The following RNLS variants were observed in gnomAD, a reference collection of about 807,000 sequenced individuals.
The protein encoded by RNLS is renalase, FAD dependent amine oxidase.
In RNLS, 39 loss-of-function variants were observed where a neutral mutation model predicts 39.8. The observed-to-expected ratio is 0.98, with a 90% CI of 0.76 to 1.28. RNLS has a LOEUF of 1.28. Among genes scored for constraint, RNLS ranks in the 50% most tolerant of loss-of-function variants. The pLI is 0.00. For synonymous variants in RNLS, 147 were observed against 150.7 expected (o/e 0.98, Z 0.18); for missense variants, 410 against 413.3 (o/e 0.99, Z 0.07).
Position 88,330,092 on chromosome 10 carries a change from A to ATAT in RNLS, c.701-15452_701-15451insATA, listed in dbSNP as rs750773423. Among the ~76,000 whole-genome samples, 635 of 138,190 alleles carry ATAT rather than the reference A, an allele frequency of 4.6e-3. 3 individuals carry two copies. The highest frequency in any genetic ancestry group is 6.9e-3 in the Non-Finnish European group (442 of 63,892). The allele number at this position is 138,190 out of a possible 152,430, so 90.7% of individuals were successfully genotyped here. Reference sequence around the variant, plus strand: ...TGAGATATATATATATATATATATAAATATAAATATATATACACACACTAT... The same window carrying ATAT: ...TGAGATATATATATATATATATATAATATATATAAATATATATACACACACTAT... On this transcript the variant is annotated intron_variant, in intron 5 of 6. Transcript: ENST00000331772.
At chr10:88,171,622 T>A in the RNLS span, among the ~76,000 whole-genome samples, 2 of 152,254 alleles carry the variant, frequency 1.3e-5, no homozygotes, top group African/African-American at 4.8e-5. Flanking sequence ...TATAGTTCAA[T>A]ACATGTATAT....
At position 88,316,303 on chromosome 10, in the gene RNLS, G is replaced by A. The variant is rs954273122; in HGVS notation, c.701-1662C>T. 3.9e-5 allele frequency among the ~76,000 whole-genome samples: 6 copies of A among 152,230 alleles called. No individual in the cohort carries two copies. In the South Asian group the frequency reaches 6.2e-4, roughly 16 times the overall value. ...GTGAAGACTTTACAGGTTCTGTACA[G>A]AGGGAAGGACTCAGGAGTGGAAAAT... is the stretch of plus-strand genomic sequence containing the variant. On this transcript the variant is annotated intron_variant, in intron 5 of 6. Coordinates refer to ENST00000331772, the MANE Select transcript of RNLS (RefSeq NM_001031709.3).
chr10:88,301,229 T>C lies in RNLS; in HGVS notation c.876+13237A>G, dbSNP rs116512733. On this transcript the variant is annotated intron_variant, in intron 6 of 6. Coordinates refer to ENST00000331772, the MANE Select transcript of RNLS (RefSeq NM_001031709.3). ...TTTGCGAAAAGGGGAAATACCTGCC[T>C]ATATAAACTTCAATTAAACTGTGAG... 4.0e-3 allele frequency among the ~76,000 whole-genome samples: 613 copies of C among 152,336 alleles called. 7 individuals are homozygous for C. Among genetic ancestry groups the C allele is most frequent in the African/African-American group, 0.013 (542 of 41,588 alleles).
At chr10:88,355,916 C>T (rs1196141521) in intron 5 of RNLS, among the ~76,000 whole-genome samples, 3 of 152,210 alleles carry the variant, frequency 2.0e-5, no homozygotes, top group Non-Finnish European at 1.5e-5. Context: ...CAATGGTGGG[C>T]ACCCCTCCCC....
chr10:88,234,076 C>T, the RNLS span, among the ~76,000 whole-genome samples: 1 of 148,468 alleles, frequency 6.7e-6, no homozygotes, highest in African/African-American at 2.5e-5. Flanking sequence ...GCCCTGACCC[C>T]CCTGCAGCAG....
At chr10:88,538,048 TAA>T (rs1366612332) in intron 4 of RNLS, among the ~76,000 whole-genome samples, 1 of 152,158 alleles carries the variant, frequency 6.6e-6, no homozygotes, top group East Asian at 1.9e-4. Flanking sequence ...TGGAAAAATA[TAA>T]TTAATGTTCA....
the RNLS span, among the ~76,000 whole-genome samples, chr10:88,194,468 C>T: frequency 2.0e-5 from 3 of 152,240 alleles, no homozygotes; most frequent in African/African-American, 7.2e-5. Flanking sequence ...ATATCTCTCT[C>T]ATCTTGGGCC....
intron 4 of RNLS, among the ~76,000 whole-genome samples, chr10:88,387,007 C>G (rs1176481139): frequency 6.6e-6 from 1 of 152,190 alleles, no homozygotes; most frequent in African/African-American, 2.4e-5. Context: ...GTGATCTGTA[C>G]ACCCAAAACA....
At chr10:88,388,946 A>G (rs1852029544) in intron 4 of RNLS, among the ~76,000 whole-genome samples, 1 of 152,200 alleles carries the variant, frequency 6.6e-6, no homozygotes, top group Admixed American at 6.5e-5. Context: ...AGTACCATGC[A>G]TCAGTGGAGC....
At chr10:88,362,819 G>T in intron 4 of RNLS, 94 bp from the exon 5 acceptor site, 2 of 1,091,430 alleles carry the variant, frequency 1.8e-6, no homozygotes, top group Non-Finnish European at 1.3e-6. Flanking sequence ...AGTTACAACA[G>T]CTTCCACCAA....
intron 4 of RNLS, among the ~76,000 whole-genome samples, chr10:88,572,046 C>A (rs983918182): frequency 1.3e-5 from 2 of 152,058 alleles, no homozygotes; most frequent in Non-Finnish European, 2.9e-5. Flanking sequence ...GCACCAGGAA[C>A]CCTCAGGAAT....
intron 4 of RNLS, among the ~76,000 whole-genome samples, chr10:88,428,258 T>C (rs1854925385): frequency 6.6e-6 from 1 of 151,990 alleles, no homozygotes; most frequent in African/African-American, 2.4e-5. Flanking sequence ...CTATTACTAA[T>C]AAGAAAACAC....
At chr10:88,547,528 G>A (rs759240551) in intron 4 of RNLS, among the ~76,000 whole-genome samples, 1 of 152,192 alleles carries the variant, frequency 6.6e-6, no homozygotes, top group Non-Finnish European at 1.5e-5. Flanking sequence ...AAACTTTAGA[G>A]AAATTTTGGT....
chr10:88,442,867 T>C (rs1841802441), intron 4 of RNLS, among the ~76,000 whole-genome samples: 1 of 152,190 alleles, frequency 6.6e-6, no homozygotes, highest in South Asian at 2.1e-4. Context: ...CCACAGATCC[T>C]AACATGAGGC....
intron 4 of RNLS, among the ~76,000 whole-genome samples, chr10:88,421,371 C>T (rs927872671): frequency 6.6e-6 from 1 of 152,150 alleles, no homozygotes; most frequent in Non-Finnish European, 1.5e-5. Flanking sequence ...GACTAGCAAA[C>T]GCTAACAATT....
intron 4 of RNLS, among the ~76,000 whole-genome samples, chr10:88,558,756 G>C (rs1849007690): frequency 6.6e-6 from 1 of 151,864 alleles, no homozygotes; most frequent in Admixed American, 6.6e-5. Flanking sequence ...AAAGACAAGA[G>C]AATTAGGAAA....
At chr10:88,434,062 T>C (rs1351867458) in intron 4 of RNLS, among the ~76,000 whole-genome samples, 1 of 152,192 alleles carries the variant, frequency 6.6e-6, no homozygotes, top group Non-Finnish European at 1.5e-5. Flanking sequence ...AGGTTTTCTC[T>C]TTGATACAGC....
At chr10:88,563,741 GAA>G (rs1849331084) in intron 4 of RNLS, among the ~76,000 whole-genome samples, 1 of 151,988 alleles carries the variant, frequency 6.6e-6, no homozygotes, top group African/African-American at 2.4e-5. Flanking sequence ...AGTATCCCTG[GAA>G]AGTTAGAAAG....
At chr10:88,214,485 C>A in the RNLS span, among the ~76,000 whole-genome samples, 1 of 118,354 alleles carries the variant, frequency 8.4e-6, no homozygotes, top group South Asian at 3.0e-4. Flanking sequence ...GGTGACAGAG[C>A]GAGACTCCGT....
Sources: allele counts gnomAD v4.1 joint callset (sites outside exome capture counted in the v4.1 genomes callset), GRCh38; gene constraint gnomAD v4.1.1; transcripts MANE v1.5; gene names NCBI Gene and HGNC (gene_info 2026-07-23, HGNC 2026-07-21).